PTPN14: variants seen among roughly 807,000 people sequenced by gnomAD.
PTPN14 encodes the protein protein tyrosine phosphatase non-receptor type 14, also known as tyrosine-protein phosphatase non-receptor type 14.
In PTPN14, 53 loss-of-function variants were observed where a neutral mutation model predicts 126.8. The ratio of observed to expected loss-of-function variants is 0.42; its 90% CI spans 0.34 to 0.53. PTPN14 has a LOEUF of 0.53. Among genes scored for constraint, PTPN14 ranks in the 20% least tolerant of loss-of-function variants. The probability of loss-of-function intolerance (pLI) is 0.08; values close to 1 mark genes in which losing one functional copy is unlikely to be tolerated. For synonymous variants in PTPN14, 630 were observed against 599.3 expected, an observed-to-expected ratio of 1.05 and a Z score of -0.75; for missense variants, 1,257 against 1,552.9, an observed-to-expected ratio of 0.81 and a Z score of 3.20.
intron 13 of PTPN14, among the ~76,000 whole-genome samples, chr1:214,380,412 TA>T (rs563647351): frequency 1.3e-5 from 2 of 151,904 alleles, no homozygotes; most frequent in African/African-American, 2.4e-5. Flanking sequence ...TTACCAGAGA[TA>T]AAAAAAATAA....
rs763527220 is a variant in PTPN14, at chr1:214,464,849, C to T, written c.-46G>A. ...CCGCCCGCCTATCCTGGCGCACACG[C>T]CCCTGAGATGGCCTTAGCAGTTTCG... On this transcript the variant is annotated 5_prime_UTR_variant, in exon 2 of 19. Coordinates refer to ENST00000366956, the MANE Select transcript of PTPN14 (RefSeq NM_005401.5). The T allele has an allele frequency of 3.1e-6, 5 of 1,603,056 alleles. No homozygotes were observed. The highest frequency in any genetic ancestry group is 4.3e-6 in the Non-Finnish European group (5 of 1,172,006).
chr1:214,445,107 C>A (rs966581840), intron 3 of PTPN14, among the ~76,000 whole-genome samples: 2 of 152,200 alleles, frequency 1.3e-5, no homozygotes, highest in African/African-American at 2.4e-5. Flanking sequence ...CTGGTGATAA[C>A]TGCTAGGCAG....
intron 18 of PTPN14, among the ~76,000 whole-genome samples, chr1:214,360,342 AT>A (rs1489432365): frequency 6.6e-6 from 1 of 152,182 alleles, no homozygotes; most frequent in African/African-American, 2.4e-5. Context: ...CAGTGGTGCA[AT>A]CACAGTGGTG....
chr1:214,407,726 A>T (rs1232253826), intron 5 of PTPN14, among the ~76,000 whole-genome samples: 2 of 152,108 alleles, frequency 1.3e-5, no homozygotes, highest in Non-Finnish European at 2.9e-5. Flanking sequence ...GATTTTGCCT[A>T]TTTTACTTCA....
intron 1 of PTPN14, among the ~76,000 whole-genome samples, chr1:214,519,023 C>T (rs937242768): frequency 6.6e-6 from 1 of 152,172 alleles, no homozygotes; most frequent in African/African-American, 2.4e-5. Context: ...AATCCTAGCA[C>T]TTTGGGAGTC....
intron 1 of PTPN14, among the ~76,000 whole-genome samples, chr1:214,477,290 A>G (rs73075997): frequency 1.7e-4 from 26 of 152,348 alleles, no homozygotes; most frequent in African/African-American, 6.0e-4. Context: ...GTTAATTACT[A>G]ACAGGGAAAA....
At position 214,372,378 on chromosome 1, in the gene PTPN14, C is replaced by T. The variant is rs141533249; in HGVS notation, c.3036+333G>A. ...ATTCCAGTGGAAAGATCACTGTTTT[C>T]GTTTGGCACAGAAAGTCAGCAGGTT... On this transcript the variant is annotated intron_variant, in intron 16 of 18. Coordinates refer to ENST00000366956, the MANE Select transcript of PTPN14 (RefSeq NM_005401.5). 11 of 306,002 alleles carry T rather than the reference C, an allele frequency of 3.6e-5. No homozygotes were observed. In the East Asian group the frequency reaches 8.4e-4, roughly 23 times the overall value. 19.0% of individuals were successfully genotyped at this position (306,002 alleles called of 1,614,324 possible). A position where few individuals can be genotyped will look rare whatever the true frequency, so the allele number is the denominator to read the frequency against.
chr1:214,547,952 T>C (rs1656013315), intron 1 of PTPN14, among the ~76,000 whole-genome samples: 1 of 151,842 alleles, frequency 6.6e-6, no homozygotes, highest in Non-Finnish European at 1.5e-5. Context: ...ATGTGTATGT[T>C]GACACACATG....
At chr1:214,521,623 G>A (rs1571643105) in intron 1 of PTPN14, among the ~76,000 whole-genome samples, 4 of 152,232 alleles carry the variant, frequency 2.6e-5, no homozygotes, top group Non-Finnish European at 1.5e-5. Context: ...GCTGAGACAG[G>A]AGAACCGCCT....
chr1:214,384,304 C>G lies in PTPN14; in HGVS notation c.1551G>C (p.Arg517Ser), dbSNP rs1454901087. 6.2e-7 allele frequency: 1 copy of G among 1,614,150 alleles called. No homozygotes were observed. The highest frequency in any genetic ancestry group is 1.1e-5 in the South Asian group (1 of 91,068). ...TTGGTACCACATTATTCTTTGGGTT[C>G]CTCTGGTCAGATGGACTGACAAGTT... ...SNKLVSPSDQ[R>S]NPKNNVVPSK... Residue 517 changes from arginine to serine, a missense_variant, in exon 13 of 19, where the codon AGG becomes AGC. This residue lies in a region of PTPN14 where 1,021 missense variants were observed against 1,183.3 expected (regional missense o/e 0.86). Coordinates refer to ENST00000366956, the MANE Select transcript of PTPN14 (RefSeq NM_005401.5). The surrounding 1 kb of genome is among the most constrained non-coding windows in gnomAD (Gnocchi z 5.3).
intron 1 of PTPN14, among the ~76,000 whole-genome samples, chr1:214,514,626 G>A (rs770718502): frequency 4.4e-4 from 67 of 152,118 alleles, no homozygotes; most frequent in Non-Finnish European, 6.0e-4. Context: ...ATGTGCTCCC[G>A]GGCAGGCGGG....
intron 10 of PTPN14, 92 bp downstream of exon 10, chr1:214,393,603 G>C: frequency 9.7e-7 from 1 of 1,033,170 alleles, no homozygotes; most frequent in South Asian, 1.5e-5. Flanking sequence ...AGGAAAAAGA[G>C]TGAATAGGAA....
rs1280420708 is a variant in PTPN14 at position 214,460,471 on chromosome 1, C to CCA, written c.174+4157_174+4158dup. 1.4e-4 allele frequency among the ~76,000 whole-genome samples: 20 copies of CCA among 144,936 alleles called. 1 individual carries two copies. In the South Asian group the frequency reaches 4.4e-3, roughly 32 times the overall value. On this transcript the variant is annotated intron_variant, in intron 2 of 18. Transcript: ENST00000366956. ...TCTGCCTTTCCCTGAAAATTCCCCTCCACACACACACAGATCAATGCAAGC... is the reference window on the plus strand; with the variant it reads ...TCTGCCTTTCCCTGAAAATTCCCCTCCACACACACACACAGATCAATGCAAGC...
chr1:214,441,559 G>T (rs1200864128), intron 3 of PTPN14, among the ~76,000 whole-genome samples: 1 of 152,174 alleles, frequency 6.6e-6, no homozygotes, highest in Admixed American at 6.5e-5. Flanking sequence ...TCTATTCTTT[G>T]CACCTCTTCC....
At chr1:214,524,528 T>C (rs2102461384) in intron 1 of PTPN14, among the ~76,000 whole-genome samples, 1 of 152,160 alleles carries the variant, frequency 6.6e-6, no homozygotes, top group Admixed American at 6.5e-5. Context: ...GCTGCACACC[T>C]GTAGTCCCAG....
intron 1 of PTPN14, among the ~76,000 whole-genome samples, chr1:214,550,799 G>A (rs1656089444): frequency 6.6e-6 from 1 of 152,168 alleles, no homozygotes; most frequent in African/African-American, 2.4e-5. Flanking sequence ...TGCAGCGACC[G>A]CGACGTCGTT....
rs762572662 is a variant in PTPN14, at chr1:214,384,989, A to G, written c.1067-201T>C. ...ATACAGAAAGAACACCTTAAGACATACTGAAAAGAAAAAGGGAACCTAATG... is the reference window on the plus strand; with the variant it reads ...ATACAGAAAGAACACCTTAAGACATGCTGAAAAGAAAAAGGGAACCTAATG... On this transcript the variant is annotated intron_variant, in intron 12 of 18. Coordinates refer to ENST00000366956, the MANE Select transcript of PTPN14 (RefSeq NM_005401.5). This position sits in a 1 kb window ranked among gnomAD's most constrained non-coding sequence, Gnocchi z 5.3. Among the ~76,000 whole-genome samples, 2 of 152,204 alleles carry G rather than the reference A, an allele frequency of 1.3e-5. No homozygotes were observed. The highest frequency in any genetic ancestry group is 2.9e-5 in the Non-Finnish European group (2 of 68,040).
At chr1:214,533,367 G>A (rs2102472677) in intron 1 of PTPN14, 1 of 470,802 alleles carries the variant, frequency 2.1e-6, no homozygotes, top group Middle Eastern at 6.8e-4. Context: ...CTTGGTGATG[G>A]ACAGCAGCAA....
At chr1:214,501,932 G>A (rs1442417189) in intron 1 of PTPN14, among the ~76,000 whole-genome samples, 2 of 151,808 alleles carry the variant, frequency 1.3e-5, no homozygotes, top group Non-Finnish European at 2.9e-5. Flanking sequence ...GGTGGTGGGC[G>A]CCTGTAGTCC....
Sources: gnomAD v4.1 joint callset for allele counts (sites outside exome capture counted in the v4.1 genomes callset) on GRCh38, gnomAD v4.1.1 for gene constraint, gnomAD v4.1.1 regional missense constraint, Gnocchi (gnomAD v3.1) non-coding constraint, MANE v1.5 for transcripts, NCBI Gene and HGNC (gene_info 2026-07-23, HGNC 2026-07-21) for gene names.